The following EDEM3 variants were observed in gnomAD, a reference collection of about 807,000 sequenced individuals.
EDEM3 encodes the protein ER degradation-enhancing alpha-mannosidase-like protein 3.
In EDEM3, 60 loss-of-function variants were observed where a neutral mutation model predicts 110.2. The observed-to-expected ratio is 0.54, with a 90% confidence interval of 0.44 to 0.67. The LOEUF (loss-of-function observed/expected upper bound fraction) is 0.67, where lower values mean the gene tolerates loss of function less well. EDEM3 is among the 30% of genes least tolerant of loss of function. The pLI is 0.00. For missense variants in EDEM3, 996 were observed against 1,121.0 expected, an observed-to-expected ratio of 0.89 and a Z score of 1.59; for synonymous variants, 352 against 382.9, an observed-to-expected ratio of 0.92 and a Z score of 0.94.
chr1:184,716,734 A>ATTT (rs1650571362), intron 13 of EDEM3, among the ~76,000 whole-genome samples, 154 bp downstream of exon 13: 1 of 152,152 alleles, frequency 6.6e-6, no homozygotes, highest in Admixed American at 6.5e-5. Flanking sequence ...AATTAAAATT[A>ATTT]GTGTATTCAA....
chr1:184,742,823 AAC>A (rs1190254931), intron 2 of EDEM3, among the ~76,000 whole-genome samples: 1 of 152,260 alleles, frequency 6.6e-6, no homozygotes, highest in African/African-American at 2.4e-5. Flanking sequence ...ACATATAAAC[AAC>A]ACTTAGAAGA....
At chr1:184,701,627 T>G in intron 19 of EDEM3, 1 of 1,008,726 alleles carries the variant, frequency 9.9e-7, no homozygotes, top group South Asian at 1.5e-5. Context: ...TTTGCCTATG[T>G]TAGATGTGCC....
intron 2 of EDEM3, among the ~76,000 whole-genome samples, chr1:184,745,181 T>A (rs1451173906): frequency 6.6e-5 from 10 of 152,110 alleles, no homozygotes; most frequent in Admixed American, 6.5e-4. Context: ...AAATTCTATG[T>A]AGAGTATCAG....
At chr1:184,740,505 A>T (rs573113414) in intron 2 of EDEM3, among the ~76,000 whole-genome samples, 2 of 152,360 alleles carry the variant, frequency 1.3e-5, no homozygotes, top group South Asian at 4.1e-4. Context: ...ATGATCAGTG[A>T]TCAATCACAT....
At chr1:184,729,997 G>GA (rs955285208) in intron 6 of EDEM3, among the ~76,000 whole-genome samples, 1 of 151,896 alleles carries the variant, frequency 6.6e-6, no homozygotes. Context: ...AATATGCTAA[G>GA]AAAAAAATGA....
intron 19 of EDEM3, among the ~76,000 whole-genome samples, chr1:184,696,723 A>G (rs1161649639): frequency 1.3e-5 from 2 of 152,044 alleles, no homozygotes; most frequent in African/African-American, 4.8e-5. Flanking sequence ...CTGGCTACTT[A>G]CAGCTTATTT....
intron 3 of EDEM3, 58 bp downstream of exon 3, chr1:184,737,553 A>G (rs1651899922): frequency 2.6e-6 from 4 of 1,521,660 alleles, no homozygotes; most frequent in Admixed American, 3.4e-5. Flanking sequence ...AACTGTCTGT[A>G]AAAGTCTAAG....
At chr1:184,718,956 C>T (rs1185245076) in intron 11 of EDEM3, among the ~76,000 whole-genome samples, 2 of 151,996 alleles carry the variant, frequency 1.3e-5, no homozygotes, top group Non-Finnish European at 2.9e-5. Context: ...TCAGACTTCT[C>T]TTAACACACA....
At chr1:184,723,925 G>A in intron 7 of EDEM3, 69 bp from the exon 8 acceptor site, 10 of 1,176,316 alleles carry the variant, frequency 8.5e-6, no homozygotes, top group South Asian at 6.3e-5. Context: ...TTGGCAAATA[G>A]GAAACTAACA....
chr1:184,735,529 TTAAC>T (rs1188311464), intron 4 of EDEM3, among the ~76,000 whole-genome samples: 1 of 152,218 alleles, frequency 6.6e-6, no homozygotes, highest in Non-Finnish European at 1.5e-5. Flanking sequence ...TTTCCTTTAC[TTAAC>T]TGTTTAATCT....
At chr1:184,733,372 G>C (rs572949554) in intron 5 of EDEM3, among the ~76,000 whole-genome samples, 1 of 152,042 alleles carries the variant, frequency 6.6e-6, no homozygotes, top group African/African-American at 2.4e-5. Flanking sequence ...AAAACCTCTC[G>C]CTCTAGATTA....
chr1:184,742,675 C>A (rs181149316), intron 2 of EDEM3, among the ~76,000 whole-genome samples: 1 of 152,232 alleles, frequency 6.6e-6, no homozygotes, highest in Non-Finnish European at 1.5e-5. Flanking sequence ...AGGCGTGAGC[C>A]ACCATGCCCA....
chr1:184,730,098 C>T (rs138075095), intron 6 of EDEM3, among the ~76,000 whole-genome samples: 1 of 152,094 alleles, frequency 6.6e-6, no homozygotes, highest in East Asian at 1.9e-4. Context: ...TAATAATATA[C>T]AGTAACGGTT....
chr1:184,706,594 A>G, intron 18 of EDEM3, 49 bp downstream of exon 18: 1 of 1,432,880 alleles, frequency 7.0e-7, no homozygotes, highest in East Asian at 2.4e-5. Context: ...AAAAAATCCT[A>G]AAAATTATCT....
intron 13 of EDEM3, among the ~76,000 whole-genome samples, chr1:184,713,671 C>T (rs981724989): frequency 1.3e-5 from 2 of 152,052 alleles, no homozygotes; most frequent in Non-Finnish European, 2.9e-5. Flanking sequence ...GTTTAAACAG[C>T]GTGATTAAAG....
intron 2 of EDEM3, among the ~76,000 whole-genome samples, chr1:184,748,391 G>GA (rs1652557392): frequency 2.6e-5 from 4 of 151,574 alleles, no homozygotes; most frequent in African/African-American, 9.7e-5. Context: ...TGGCTGCAGT[G>GA]AGCTGAGATA....
rs779235631 is a variant in EDEM3, at chr1:184,706,825, C to G, written c.2038-17G>C. On this transcript the variant is annotated splice_polypyrimidine_tract_variant and intron_variant, in intron 17 of 19. Transcript: ENST00000318130. ...TCCTCTTGTCTGTCAGAAATAAAAG[C>G]AACTTAAATACTTTAATCTTCTCAA... 1 of 1,610,890 alleles carries G rather than the reference C, an allele frequency of 6.2e-7. No homozygotes were observed. The highest frequency in any genetic ancestry group is 2.2e-5 in the East Asian group (1 of 44,812).
intron 1 of EDEM3, among the ~76,000 whole-genome samples, chr1:184,750,644 C>CT (rs1558076024): frequency 6.6e-6 from 1 of 152,004 alleles, no homozygotes; most frequent in Non-Finnish European, 1.5e-5. Context: ...TCCCGAGTAG[C>CT]TGGGATTACA....
Position 184,701,806 on chromosome 1 carries a change from A to C in EDEM3, c.2389+1005T>G, listed in dbSNP as rs186201501. Reference sequence around the variant, plus strand: ...CTTGCTCACTCCATTGCTCATAAATAATTGACATTTCAAAGAATCTCAAAG... The same window carrying C: ...CTTGCTCACTCCATTGCTCATAAATCATTGACATTTCAAAGAATCTCAAAG... On this transcript the variant is annotated intron_variant, in intron 19 of 19. Coordinates refer to ENST00000318130, the MANE Select transcript of EDEM3 (RefSeq NM_025191.4). Among the ~76,000 whole-genome samples, 28 of 152,252 alleles carry C rather than the reference A, an allele frequency of 1.8e-4. No individual in the cohort carries two copies. The East Asian group carries it at 5.0e-3, about 27-fold the overall frequency.
Sources: gnomAD v4.1 joint callset for allele counts (sites outside exome capture counted in the v4.1 genomes callset) on GRCh38, gnomAD v4.1.1 for gene constraint, MANE v1.5 for transcripts, NCBI Gene and HGNC (gene_info 2026-07-23, HGNC 2026-07-21) for gene names.